TENT4A: variants seen among roughly 807,000 people sequenced by gnomAD.
TENT4A encodes the protein terminal nucleotidyltransferase 4A, also known as DNA polymerase kappa.
A neutral mutation model predicts 72.8 loss-of-function variants in TENT4A; 7 were observed. The ratio of observed to expected loss-of-function variants is 0.10; its 90% CI spans 0.05 to 0.18. TENT4A has a LOEUF of 0.18. TENT4A is among the 10% of genes least tolerant of loss of function. The pLI, the probability that TENT4A is intolerant of heterozygous loss-of-function variation, is 1.00. For synonymous variants in TENT4A, 456 were observed against 434.3 expected (o/e 1.05, Z -0.62); for missense variants, 831 against 1,017.7 (o/e 0.82, Z 2.50).
chr5:6,737,838 C>T (rs963023951), intron 2 of TENT4A, among the ~76,000 whole-genome samples: 4 of 151,236 alleles, frequency 2.6e-5, no homozygotes, highest in Non-Finnish European at 5.9e-5. Flanking sequence ...TAGACACCTG[C>T]GGTGGCCGCA....
chr5:6,713,959 CGGGCCCCGCGG>C lies in TENT4A; in HGVS notation c.-20_-10del. On this transcript the variant is annotated 5_prime_UTR_variant, in exon 1 of 13. Transcript: ENST00000230859. ...GGCCGCGTCGGGGCGGGCGGGCGCG[CGGGCCCCGCGG>C]GGGCGGCGCGTGGATGGATCCGCGC... The C allele has an allele frequency of 1.1e-6, 1 of 944,946 alleles. No individual in the cohort carries two copies. Among genetic ancestry groups the C allele is most frequent in the Non-Finnish European group, 1.3e-6 (1 of 796,154 alleles). The allele number at this position is 944,946 out of a possible 1,614,324, so 58.5% of individuals were successfully genotyped here.
At chr5:6,727,839 G>A (rs1741012479) in intron 1 of TENT4A, among the ~76,000 whole-genome samples, 1 of 151,886 alleles carries the variant, frequency 6.6e-6, no homozygotes, top group African/African-American at 2.4e-5. Context: ...CCTGCCCACA[G>A]CTCTGCTGTC....
Position 6,713,880 on chromosome 5 carries a change from C to T in TENT4A, c.-104C>T. The T allele has an allele frequency of 8.0e-6, 2 of 250,500 alleles. No individual in the cohort carries two copies. The highest frequency in any genetic ancestry group is 1.2e-5 in the Non-Finnish European group (2 of 160,882). The allele number at this position is 250,500 out of a possible 1,614,324, so 15.5% of individuals were successfully genotyped here. ...CCGCCGCCGCCGCCACCGGCCCAGG[C>T]CCGTCCGTCCGTCCGTGCGCGCGCG... On this transcript the variant is annotated 5_prime_UTR_variant, in exon 1 of 13. Transcript: ENST00000230859.
At chr5:6,723,463 C>T (rs1242042008) in intron 1 of TENT4A, among the ~76,000 whole-genome samples, 3 of 152,138 alleles carry the variant, frequency 2.0e-5, no homozygotes. Flanking sequence ...CCAGAGCTGA[C>T]CCTTGAAATG....
rs28381374 is a variant in TENT4A at position 6,742,091 on chromosome 5, A to T, written c.1009-399A>T. 2.1e-3 allele frequency among the ~76,000 whole-genome samples: 316 copies of T among 152,366 alleles called. 3 individuals carry two copies. In the East Asian group the frequency reaches 0.034, roughly 16 times the overall value. ...ACAATATCAGTATAACATACAATTT[A>T]AAAAATGGCTTCGAAGTTACATTAA... On this transcript the variant is annotated intron_variant, in intron 4 of 12. Transcript: ENST00000230859.
chr5:6,741,460 A>G (rs1020285071), intron 4 of TENT4A, among the ~76,000 whole-genome samples: 1 of 152,194 alleles, frequency 6.6e-6, no homozygotes, highest in Non-Finnish European at 1.5e-5. Flanking sequence ...GAAGGAGTCT[A>G]TGAGATGGAA....
chr5:6,753,926 C>T (rs1742551947), intron 12 of TENT4A, among the ~76,000 whole-genome samples: 1 of 152,230 alleles, frequency 6.6e-6, no homozygotes, highest in Admixed American at 6.5e-5. Flanking sequence ...TTTGCTTTCC[C>T]AGTCTCCTCC....
chr5:6,745,859 C>G (rs569395047), intron 6 of TENT4A: 2 of 366,986 alleles, frequency 5.4e-6, no homozygotes, highest in Admixed American at 5.0e-5. Flanking sequence ...ATTAGGATGA[C>G]GAGAATCTGA....
At position 6,754,884 on chromosome 5, in the gene TENT4A, G is replaced by A. The variant is rs1337700529; in HGVS notation, c.2318G>A (p.Gly773Asp). The change falls in exon 13 of 13, where the codon GGC becomes GAC. Residue 773 changes from glycine to aspartate, a missense_variant. Around this residue, in one of 3 missense-constraint regions of TENT4A, gnomAD observed 332 missense variants for 324.3 expected, o/e 1.02. Transcript: ENST00000230859. ...GGACACCACCAGTATAACCGCACCG[G>A]CTGGAGGAGGAAAAAACACACACAC... ...NRGHHQYNRT[G>D]WRRKKHTHTR... 9.3e-6 allele frequency: 15 copies of A among 1,606,542 alleles called. No individual in the cohort carries two copies. The highest frequency in any genetic ancestry group is 1.2e-5 in the Non-Finnish European group (14 of 1,174,490).
chr5:6,752,934 G>C lies in TENT4A; in HGVS notation c.2081G>C (p.Gly694Ala). The change falls in exon 12 of 13, where the codon GGT (glycine) becomes GCT (alanine). Residue 694 changes from glycine to alanine, a missense_variant. By Grantham distance (60) the Gly-to-Ala change is moderately conservative. Coordinates refer to ENST00000230859, the MANE Select transcript of TENT4A (RefSeq NM_006999.6). Reference sequence around the variant, plus strand: ...GCTCCTGTTCCTTGCAGACAAGCTGGTGTAGAAGGAACTGCGTCTTTGAAA... The same window carrying C: ...GCTCCTGTTCCTTGCAGACAAGCTGCTGTAGAAGGAACTGCGTCTTTGAAA... ...GVAPVPCRQA[G>A]VEGTASLKAV... 1.2e-6 allele frequency: 2 copies of C among 1,614,180 alleles called. No individual in the cohort carries two copies. Among genetic ancestry groups the C allele is most frequent in the Non-Finnish European group, 1.7e-6 (2 of 1,180,032 alleles).
chr5:6,749,630 A>G lies in TENT4A; in HGVS notation c.1660A>G (p.Ser554Gly), dbSNP rs750228533. ...YRRWIKEKWG[S>G]KAHPSPGMDS... is the part of the protein sequence containing the mutation. ...GAGGTGGATCAAAGAGAAGTGGGGC[A>G]GCAAAGCCCACCCGTCGCCAGGCAT... Residue 554 changes from serine (S) to glycine (G), a missense_variant, in exon 9 of 13, where the codon AGC becomes GGC. By Grantham distance (56) the Ser-to-Gly change is moderately conservative (BLOSUM62 0). This residue lies in a region of TENT4A where 332 missense variants were observed against 324.3 expected (regional missense o/e 1.02). Transcript: ENST00000230859. 1 of 1,613,414 alleles carries G rather than the reference A, an allele frequency of 6.2e-7. No individual in the cohort carries two copies. Among genetic ancestry groups the G allele is most frequent in the Non-Finnish European group, 8.5e-7 (1 of 1,179,348 alleles).
chr5:6,731,920 T>TTCTTCCA (rs771912446), intron 1 of TENT4A, among the ~76,000 whole-genome samples: 1 of 152,244 alleles, frequency 6.6e-6, no homozygotes, highest in Non-Finnish European at 1.5e-5. Context: ...TTTGGTGTGC[T>TTCTTCCA]TCTTCCAGCC....
intron 1 of TENT4A, among the ~76,000 whole-genome samples, chr5:6,715,948 G>C (rs1157731455): frequency 6.6e-6 from 1 of 152,170 alleles, no homozygotes; most frequent in Non-Finnish European, 1.5e-5. Context: ...GTTGGGAGCA[G>C]TTTCTTCTTG....
chr5:6,749,235 G>A (rs1051850023), intron 8 of TENT4A, among the ~76,000 whole-genome samples: 5 of 152,096 alleles, frequency 3.3e-5, no homozygotes, highest in Non-Finnish European at 7.4e-5. Context: ...CACTCGTCTC[G>A]GTACCGTCTC....
In TENT4A at chr5:6,737,625, A is replaced by G. The variant is rs571317210; in HGVS notation, c.832A>G (p.Thr278Ala). Residue 278 changes from threonine (T) to alanine (A), a missense_variant, in exon 2 of 13, where the codon ACG becomes GCG. Thr to Ala is a moderately conservative substitution (Grantham distance 58). Transcript: ENST00000230859. Reference sequence around the variant, plus strand: ...AACTGTGGTGAAAGACCTTTGGCCGACGGCTGATGTGAGTATGTTCTTTGG... The same window carrying G: ...AACTGTGGTGAAAGACCTTTGGCCGGCGGCTGATGTGAGTATGTTCTTTGG... ...IETVVKDLWPTADVQIFGSFS... is the reference protein window; with the variant it reads ...IETVVKDLWPAADVQIFGSFS... 6.2e-7 allele frequency: 1 copy of G among 1,613,956 alleles called. No homozygotes were observed. Among genetic ancestry groups the G allele is most frequent in the East Asian group, 2.2e-5 (1 of 44,886 alleles).
intron 1 of TENT4A, among the ~76,000 whole-genome samples, chr5:6,724,040 C>T (rs1740784972): frequency 6.6e-6 from 1 of 152,252 alleles, no homozygotes; most frequent in Non-Finnish European, 1.5e-5. Context: ...CACTGCTGCA[C>T]TGGGGGCTTG....
At chr5:6,716,585 G>A (rs572406969) in intron 1 of TENT4A, among the ~76,000 whole-genome samples, 3 of 152,172 alleles carry the variant, frequency 2.0e-5, no homozygotes, top group African/African-American at 4.8e-5. Context: ...TCTGCCAGCA[G>A]GTCTGGTCAG....
Position 6,749,551 on chromosome 5 carries a change from T to C in TENT4A, c.1587-6T>C. The C allele has an allele frequency of 1.3e-6, 2 of 1,595,220 alleles. 1 individual carries two copies. The highest frequency in any genetic ancestry group is 2.2e-5 in the South Asian group (2 of 90,686). On this transcript the variant is annotated splice_polypyrimidine_tract_variant and splice_region_variant and intron_variant, in intron 8 of 12. Coordinates refer to ENST00000230859, the MANE Select transcript of TENT4A (RefSeq NM_006999.6). ...TCTGTTGATCTCCAACAATGTCCCT[T>C]TGCAGTACTTTAGGAAGAATCATCA...
At chr5:6,737,908 G>GTTT (rs1741589278) in intron 2 of TENT4A, among the ~76,000 whole-genome samples, 10 of 109,092 alleles carry the variant, frequency 9.2e-5, no homozygotes, top group African/African-American at 2.6e-4. Flanking sequence ...GGATTTGTTG[G>GTTT]GTTTTTTTTT....
Sources: allele counts gnomAD v4.1 joint callset (sites outside exome capture counted in the v4.1 genomes callset), GRCh38; gene constraint gnomAD v4.1.1; regional missense constraint gnomAD v4.1.1; transcripts MANE v1.5; gene names NCBI Gene and HGNC (gene_info 2026-07-23, HGNC 2026-07-21).